The following PTPN11 variants were observed in gnomAD, a reference collection of about 807,000 sequenced individuals.
The protein encoded by PTPN11 is tyrosine-protein phosphatase non-receptor type 11.
Under a neutral mutation model 78.8 loss-of-function variants are expected in PTPN11, and 6 were observed. The ratio of observed to expected loss-of-function variants is 0.08; its 90% confidence interval spans 0.04 to 0.15. The LOEUF (loss-of-function observed/expected upper bound fraction) is 0.15, where lower values mean the gene tolerates loss of function less well. Ranked by LOEUF, PTPN11 falls within the 10% of genes least tolerant of loss-of-function variation. The pLI, the probability that PTPN11 is intolerant of heterozygous loss-of-function variation, is 1.00. For missense variants in PTPN11, 386 were observed against 744.8 expected, an observed-to-expected ratio of 0.52 and a Z score of 5.61; for synonymous variants, 221 against 263.5, an observed-to-expected ratio of 0.84 and a Z score of 1.56.
At chr12:112,424,853 C>T (rs899611763) in intron 1 of PTPN11, among the ~76,000 whole-genome samples, 5 of 149,118 alleles carry the variant, frequency 3.4e-5, no homozygotes, top group Non-Finnish European at 5.9e-5. Flanking sequence ...GCACACGCCA[C>T]CATGTCAGGC....
intron 1 of PTPN11, among the ~76,000 whole-genome samples, chr12:112,438,748 G>A (rs1803410792): frequency 6.6e-6 from 1 of 152,150 alleles, no homozygotes; most frequent in Non-Finnish European, 1.5e-5. Flanking sequence ...CTCCCAAAGT[G>A]CTGGGATTAC....
At position 112,430,975 on chromosome 12, in the gene PTPN11, A is replaced by G. The variant is rs182806247; in HGVS notation, c.14+11850A>G. On this transcript the variant is annotated intron_variant, in intron 1 of 15. Coordinates refer to ENST00000351677, the MANE Select transcript of PTPN11 (RefSeq NM_002834.5). Reference sequence around the variant, plus strand: ...CACCGATTGGGTGAGAAGAGACTGTATATTAAAAACAATGACCATCTTTTT... The same window carrying G: ...CACCGATTGGGTGAGAAGAGACTGTGTATTAAAAACAATGACCATCTTTTT... Among the ~76,000 whole-genome samples the G allele has an allele frequency of 6.0e-4, 91 of 152,358 alleles. No individual in the cohort carries two copies. The Middle Eastern group carries it at 0.034, about 57-fold the overall frequency.
chr12:112,423,952 C>G (rs984596786), intron 1 of PTPN11, among the ~76,000 whole-genome samples: 1 of 151,890 alleles, frequency 6.6e-6, no homozygotes, highest in Non-Finnish European at 1.5e-5. Flanking sequence ...GGGTCTTGCT[C>G]TGTTGCCCAG....
rs746406104 is a variant in PTPN11, at chr12:112,504,046, C to T, written c.1713-649C>T. Among the ~76,000 whole-genome samples the T allele has an allele frequency of 1.5e-4, 23 of 152,176 alleles. No homozygotes were observed. Among genetic ancestry groups the T allele is most frequent in the Non-Finnish European group, 2.8e-4 (19 of 68,040 alleles). ...TTGGAGCTTTTGCCTGTTCAGATCC[C>T]TCTACTGGAAATTAATAGGATTTCA... is the stretch of plus-strand genomic sequence containing the variant. On this transcript the variant is annotated intron_variant, in intron 14 of 15. Transcript: ENST00000351677. This position sits in a 1 kb window ranked among gnomAD's most constrained non-coding sequence, Gnocchi z 4.7.
intron 13 of PTPN11, among the ~76,000 whole-genome samples, chr12:112,490,244 C>T (rs2038729978): frequency 6.6e-6 from 1 of 151,540 alleles, no homozygotes; most frequent in South Asian, 2.1e-4. Context: ...GAAGGATCTC[C>T]TAGTAAATAC....
chr12:112,453,379 C>T lies in PTPN11; in HGVS notation c.517C>T (p.Arg173Cys), dbSNP rs545138829. 3 of 1,613,954 alleles carry T rather than the reference C, an allele frequency of 1.9e-6. No individual in the cohort carries two copies. Among genetic ancestry groups the T allele is most frequent in the Non-Finnish European group, 2.5e-6 (3 of 1,179,990 alleles). The stretch of plus-strand genomic sequence containing the variant: ...GTCTAAAGTGACCCATGTTATGATT[C>T]GCTGTCAGGTAAATCTCCAGTTGAA... Reference protein sequence around the residue: ...GKSKVTHVMIRCQELKYDVGG... With the variant: ...GKSKVTHVMICCQELKYDVGG... The change falls in exon 4 of 16, where the codon CGC becomes TGC. Residue 173 changes from arginine (R) to cysteine (C), a missense_variant. Physicochemically the swap from Arg to Cys is radical, Grantham distance 180. This residue lies in a region of PTPN11 where 279 missense variants were observed against 503.3 expected (regional missense o/e 0.55). Transcript: ENST00000351677.
At chr12:112,498,615 A>G (rs571649869) in intron 13 of PTPN11, among the ~76,000 whole-genome samples, 1 of 152,278 alleles carries the variant, frequency 6.6e-6, no homozygotes, top group East Asian at 1.9e-4. Flanking sequence ...TCAGTTGGCA[A>G]GGCCATAAAA....
rs560055775 is a variant in PTPN11, at chr12:112,433,747, T to C, written c.15-12529T>C. Among the ~76,000 whole-genome samples the C allele has an allele frequency of 1.2e-3, 183 of 152,218 alleles. 2 individuals are homozygous for C. The highest frequency in any genetic ancestry group is 4.2e-3 in the South Asian group (20 of 4,810). ...AGGAGGATTGCTTGAAGCCAGGAGC[T>C]TGGGGCCAGCCTGGGCAACATAGCA... On this transcript the variant is annotated intron_variant, in intron 1 of 15. Transcript: ENST00000351677.
intron 1 of PTPN11, among the ~76,000 whole-genome samples, chr12:112,424,668 A>C (rs990388177): frequency 3.3e-5 from 5 of 152,244 alleles, no homozygotes; most frequent in Middle Eastern, 3.4e-3. Flanking sequence ...ATATCTATGC[A>C]CTGCCATTAA....
intron 1 of PTPN11, among the ~76,000 whole-genome samples, chr12:112,439,254 G>C (rs1459403286): frequency 6.6e-6 from 1 of 151,872 alleles, no homozygotes; most frequent in Non-Finnish European, 1.5e-5. Flanking sequence ...ATTTGGGGAG[G>C]GGATTGCCCT....
chr12:112,448,204 CTTTTTCTT>C (rs1273606155), intron 2 of PTPN11, among the ~76,000 whole-genome samples: 2 of 151,170 alleles, frequency 1.3e-5, no homozygotes, highest in Non-Finnish European at 2.9e-5. Context: ...TTCTTTCATT[CTTTTTCTT>C]TTTTTCTTTT....
intron 13 of PTPN11, among the ~76,000 whole-genome samples, chr12:112,501,075 A>G (rs1300215979): frequency 6.6e-6 from 1 of 152,068 alleles, no homozygotes; most frequent in East Asian, 1.9e-4. Flanking sequence ...TGGCTTGTAC[A>G]TTAGTATTTG....
At chr12:112,486,681 G>C in intron 11 of PTPN11, 52 bp downstream of exon 11, 1 of 1,603,594 alleles carries the variant, frequency 6.2e-7, no homozygotes. Context: ...GTCTCCTAGC[G>C]CCCAGGGCTT....
chr12:112,446,912 C>T (rs146729113), intron 2 of PTPN11, among the ~76,000 whole-genome samples: 377 of 152,012 alleles, frequency 2.5e-3, no homozygotes, highest in Non-Finnish European at 3.9e-3. Flanking sequence ...GTTGCCCAGG[C>T]TGGAGTGCAG....
chr12:112,450,482 C>T lies in PTPN11; in HGVS notation c.302C>T (p.Pro101Leu), dbSNP rs2135862932. ...GGAGATGTCATTGAGCTTAAATATC[C>T]TCTGAACTGTGCAGATCCTACCTCT... ...KNGDVIELKY[P>L]LNCADPTSER... Residue 101 changes from proline to leucine, a missense_variant, in exon 3 of 16, where the codon CCT becomes CTT. By Grantham distance (98) the Pro-to-Leu change is moderately conservative. This residue lies in a region of PTPN11 where 279 missense variants were observed against 503.3 expected (regional missense o/e 0.55). Transcript: ENST00000351677. 1.2e-6 allele frequency: 2 copies of T among 1,614,028 alleles called. No homozygotes were observed. The highest frequency in any genetic ancestry group is 1.7e-5 in the Admixed American group (1 of 59,998).
At chr12:112,492,934 C>T (rs1032745459) in intron 13 of PTPN11, among the ~76,000 whole-genome samples, 6 of 152,242 alleles carry the variant, frequency 3.9e-5, no homozygotes, top group East Asian at 1.9e-4. Flanking sequence ...GCCTTTCCCC[C>T]GCTTTTAAAA....
At chr12:112,451,374 G>C (rs1292449695) in intron 3 of PTPN11, among the ~76,000 whole-genome samples, 1 of 152,132 alleles carries the variant, frequency 6.6e-6, no homozygotes, top group Non-Finnish European at 1.5e-5. Flanking sequence ...TTCTTTTGAT[G>C]ATGAGCCCTT....
At chr12:112,440,156 A>AT (rs540711329) in intron 1 of PTPN11, among the ~76,000 whole-genome samples, 6 of 152,174 alleles carry the variant, frequency 3.9e-5, no homozygotes, top group East Asian at 1.9e-4. Context: ...GCAAGGAAGG[A>AT]TTTTTTTTCT....
At chr12:112,505,642 G>C (rs2038923727) in intron 15 of PTPN11, among the ~76,000 whole-genome samples, 183 bp from the exon 16 acceptor site, 1 of 125,948 alleles carries the variant, frequency 7.9e-6, no homozygotes, top group Non-Finnish European at 1.6e-5. Context: ...GGCCACAAGA[G>C]TGAAACTCCA....
Sources: gnomAD v4.1 joint callset for allele counts (sites outside exome capture counted in the v4.1 genomes callset) on GRCh38, gnomAD v4.1.1 for gene constraint, gnomAD v4.1.1 regional missense constraint, Gnocchi (gnomAD v3.1) non-coding constraint, MANE v1.5 for transcripts, NCBI Gene and HGNC (gene_info 2026-07-23, HGNC 2026-07-21) for gene names.